Variants in ASTN2 observed in about 807,000 individuals in gnomAD.
ASTN2 encodes astrotactin 2.
A neutral mutation model predicts 139.8 loss-of-function variants in ASTN2; 54 were observed. The observed-to-expected ratio is 0.39, with a 90% CI of 0.31 to 0.48. The LOEUF (loss-of-function observed/expected upper bound fraction) is 0.48, where lower values mean the gene tolerates loss of function less well. Ranked by LOEUF, ASTN2 falls within the 20% of genes least tolerant of loss-of-function variation. The probability of loss-of-function intolerance (pLI) is 0.95; values close to 1 mark genes in which losing one functional copy is unlikely to be tolerated. For missense variants in ASTN2, 1,565 were observed against 1,725.1 expected (o/e 0.91, Z 1.64); for synonymous variants, 756 against 719.5 (o/e 1.05, Z -0.81).
intron 22 of ASTN2, among the ~76,000 whole-genome samples, chr9:116,440,119 AAAAT>A (rs1361596799): frequency 6.6e-6 from 1 of 152,210 alleles, no homozygotes; most frequent in African/African-American, 2.4e-5. Context: ...ATGCAGGACA[AAAAT>A]AAAGCCTTCA....
chr9:116,694,038 A>G (rs530869339), intron 16 of ASTN2, among the ~76,000 whole-genome samples: 2 of 152,314 alleles, frequency 1.3e-5, no homozygotes, highest in East Asian at 1.9e-4. Context: ...TGAGGGGAAC[A>G]CAGGTTTTCC....
At chr9:116,512,110 G>C (rs1163876404) in intron 19 of ASTN2, among the ~76,000 whole-genome samples, 1 of 152,132 alleles carries the variant, frequency 6.6e-6, no homozygotes, top group Non-Finnish European at 1.5e-5. Context: ...GTCAATTTTA[G>C]ATCTTTCCTG....
At chr9:117,290,504 G>C (rs1241418340) in intron 2 of ASTN2, among the ~76,000 whole-genome samples, 1 of 152,210 alleles carries the variant, frequency 6.6e-6, no homozygotes, top group East Asian at 1.9e-4. Context: ...GGCCAACAGA[G>C]CTGAACAGCC....
Position 116,510,260 on chromosome 9 carries a change from G to A in ASTN2, c.3356-22760C>T, listed in dbSNP as rs186949949. ...TTTTCCCAGCACCATTTGTTAAATA[G>A]GGAATCCTTTCCCCATTTCTTGCTC... On this transcript the variant is annotated intron_variant, in intron 19 of 22. Transcript: ENST00000313400. Among the ~76,000 whole-genome samples, 34 of 152,292 alleles carry A rather than the reference G, an allele frequency of 2.2e-4. No homozygotes were observed. In the East Asian group the frequency reaches 6.6e-3, roughly 29 times the overall value.
At chr9:117,261,749 G>A (rs1833827262) in intron 2 of ASTN2, among the ~76,000 whole-genome samples, 2 of 152,142 alleles carry the variant, frequency 1.3e-5, no homozygotes, top group South Asian at 4.1e-4. Flanking sequence ...AATTGGTTAG[G>A]ATTTCATGGT....
chr9:116,681,692 A>C (rs1366247212), intron 16 of ASTN2, among the ~76,000 whole-genome samples: 3 of 152,214 alleles, frequency 2.0e-5, no homozygotes, highest in Non-Finnish European at 4.4e-5. Context: ...GATCAATGGA[A>C]CAGAACAGAG....
rs1434841490 is a variant in ASTN2, at chr9:116,748,037, G to T, written c.2397-14514C>A. Among the ~76,000 whole-genome samples, 3 of 152,200 alleles carry T rather than the reference G, an allele frequency of 2.0e-5. No individual in the cohort carries two copies. The East Asian group carries it at 5.8e-4, about 29-fold the overall frequency. Reference sequence around the variant, plus strand: ...AACAAGCTGAGCTGCTGTCACCAGGGCCTCTTCCAGAACTTTCCCCTCCAC... The same window carrying T: ...AACAAGCTGAGCTGCTGTCACCAGGTCCTCTTCCAGAACTTTCCCCTCCAC... On this transcript the variant is annotated intron_variant, in intron 13 of 22. Transcript: ENST00000313400.
intron 13 of ASTN2, among the ~76,000 whole-genome samples, chr9:116,766,494 C>T (rs1588275365): frequency 6.6e-6 from 1 of 151,766 alleles, no homozygotes; most frequent in African/African-American, 2.4e-5. Context: ...CACAAGCACA[C>T]ACATTCACAG....
chr9:117,125,932 A>C (rs1391629507), intron 4 of ASTN2, among the ~76,000 whole-genome samples: 2 of 152,132 alleles, frequency 1.3e-5, no homozygotes, highest in African/African-American at 4.8e-5. Context: ...TTTAACCTTA[A>C]TGTTTAGCTA....
chr9:117,138,909 A>G (rs545028888), intron 4 of ASTN2, among the ~76,000 whole-genome samples: 29 of 152,360 alleles, frequency 1.9e-4, no homozygotes, highest in Middle Eastern at 3.4e-3. Flanking sequence ...TCATGATGAA[A>G]TATTAGGAGC....
intron 3 of ASTN2, among the ~76,000 whole-genome samples, chr9:117,163,380 G>C (rs1045242155): frequency 4.6e-5 from 7 of 152,038 alleles, no homozygotes; most frequent in Non-Finnish European, 1.0e-4. Context: ...TTTTCATCCA[G>C]GGGCAGAGGA....
chr9:117,144,660 GTTTTTTTTTTTTTTTTTTTTTTTT>G (rs71379267), intron 3 of ASTN2, among the ~76,000 whole-genome samples: 263 of 78,348 alleles, frequency 3.4e-3, no homozygotes, highest in Non-Finnish European at 5.5e-3. Flanking sequence ...GTGAACACTA[GTTTTTTTTTTTTTTTTTTTTTTTT>G]TTTTTTTTTT....
chr9:116,629,612 C>A (rs1348993966), intron 17 of ASTN2, among the ~76,000 whole-genome samples: 1 of 152,108 alleles, frequency 6.6e-6, no homozygotes, highest in Non-Finnish European at 1.5e-5. Context: ...AAAATACTAA[C>A]TGGCAAGGAC....
chr9:117,177,543 G>T (rs1022304404), intron 3 of ASTN2, among the ~76,000 whole-genome samples: 1 of 152,068 alleles, frequency 6.6e-6, no homozygotes, highest in African/African-American at 2.4e-5. Context: ...GAAACTAAAG[G>T]TACCCAATGT....
intron 13 of ASTN2, among the ~76,000 whole-genome samples, chr9:116,757,853 T>C (rs1829575911): frequency 6.6e-6 from 1 of 152,078 alleles, no homozygotes; most frequent in African/African-American, 2.4e-5. Flanking sequence ...AGAAGGAAGA[T>C]CATAAAAAAG....
chr9:117,056,356 C>G (rs1839063711), intron 5 of ASTN2, among the ~76,000 whole-genome samples: 1 of 152,188 alleles, frequency 6.6e-6, no homozygotes, highest in Non-Finnish European at 1.5e-5. Context: ...ATATCAGAAA[C>G]CTTCAAGTTT....
At chr9:116,945,559 C>T (rs1835371629) in intron 10 of ASTN2, among the ~76,000 whole-genome samples, 1 of 152,112 alleles carries the variant, frequency 6.6e-6, no homozygotes, top group African/African-American at 2.4e-5. Context: ...AGTCACATTT[C>T]TTCTTTTCTT....
At chr9:117,332,521 G>A (rs1828746060) in intron 1 of ASTN2, among the ~76,000 whole-genome samples, 1 of 152,148 alleles carries the variant, frequency 6.6e-6, no homozygotes, top group African/African-American at 2.4e-5. Flanking sequence ...AACCAAGATT[G>A]CACCACTATA....
At chr9:117,242,746 C>G (rs950564692) in intron 2 of ASTN2, among the ~76,000 whole-genome samples, 10 of 152,308 alleles carry the variant, frequency 6.6e-5, no homozygotes, top group African/African-American at 1.4e-4. Context: ...AAGGGAGTCC[C>G]TTGATACATA....
Sources: gnomAD v4.1 joint callset for allele counts (sites outside exome capture counted in the v4.1 genomes callset) on GRCh38, gnomAD v4.1.1 for gene constraint, MANE v1.5 for transcripts, NCBI Gene and HGNC (gene_info 2026-07-23, HGNC 2026-07-21) for gene names.